SLC27A2: variants seen among roughly 807,000 people sequenced by gnomAD.
SLC27A2 encodes the protein solute carrier family 27 member 2, also known as long-chain fatty acid transport protein 2.
A neutral mutation model predicts 60.0 loss-of-function variants in SLC27A2; 54 were observed. The ratio of observed to expected loss-of-function variants is 0.90; its 90% CI spans 0.72 to 1.13. The LOEUF is 1.13. Among genes scored for constraint, SLC27A2 ranks in the 50% most tolerant of loss-of-function variants. The pLI, the probability that SLC27A2 is intolerant of heterozygous loss-of-function variation, is 0.00. For missense variants in SLC27A2, 739 were observed against 777.6 expected, an observed-to-expected ratio of 0.95 and a Z score of 0.59; for synonymous variants, 297 against 297.6, an observed-to-expected ratio of 1.00 and a Z score of 0.02.
At chr15:50,215,842 G>C (rs573158266) in intron 4 of SLC27A2, among the ~76,000 whole-genome samples, 1 of 152,026 alleles carries the variant, frequency 6.6e-6, no homozygotes, top group African/African-American at 2.4e-5. Context: ...AACCTGACAC[G>C]CGAAACTATA....
intron 4 of SLC27A2, among the ~76,000 whole-genome samples, chr15:50,221,312 C>T (rs1021611456): frequency 2.6e-5 from 4 of 151,982 alleles, no homozygotes; most frequent in Admixed American, 6.5e-5. Context: ...GAGCCACTGG[C>T]GGTGGGGTGG....
rs1047937948 is a variant in SLC27A2, at chr15:50,182,328, G to A, written c.-100G>A. ...CCCGGCGTCCCGCCGCGTGCGCCCC[G>A]GCGCAGCCCGCCAGTCCGCCCGGAG... On this transcript the variant is annotated 5_prime_UTR_variant, in exon 1 of 10. Transcript: ENST00000267842. 6.0e-6 allele frequency: 8 copies of A among 1,343,016 alleles called. No individual in the cohort carries two copies. In the African/African-American group the frequency reaches 9.3e-5, roughly 16 times the overall value. The allele number at this position is 1,343,016 out of a possible 1,614,324, so 83.2% of individuals were successfully genotyped here.
Position 50,223,133 on chromosome 15 carries a change from G to T in SLC27A2, c.1141G>T (p.Val381Phe), listed in dbSNP as rs775464698. 8 of 1,613,334 alleles carry T rather than the reference G, an allele frequency of 5.0e-6. No individual in the cohort carries two copies. The highest frequency in any genetic ancestry group is 2.7e-5 in the African/African-American group (2 of 74,890). Residue 381 changes from valine to phenylalanine, a missense_variant, in exon 5 of 10, where the codon GTT becomes TTT. Physicochemically the swap from Val to Phe is conservative, Grantham distance 50. Transcript: ENST00000267842. The stretch of plus-strand genomic sequence containing the variant: ...GAATTATGCGAGAAAAGTTGGTGCT[G>T]TTGGAAGAGTAAACTACCTACAGAA... ...FMNYARKVGA[V>F]GRVNYLQKKI...
intron 2 of SLC27A2, 72 bp from the exon 3 acceptor site, chr15:50,202,415 G>A (rs752732505): frequency 7.3e-6 from 11 of 1,499,082 alleles, no homozygotes; most frequent in South Asian, 1.2e-5. Context: ...ATCTTCCTAA[G>A]CCAGATCTCT....
intron 2 of SLC27A2, among the ~76,000 whole-genome samples, chr15:50,200,579 G>T (rs913616424): frequency 2.6e-5 from 4 of 152,132 alleles, no homozygotes; most frequent in African/African-American, 9.7e-5. Context: ...TCTGGTGAAG[G>T]TACCACCAAG....
intron 3 of SLC27A2, among the ~76,000 whole-genome samples, chr15:50,203,686 T>G (rs2045084406): frequency 6.6e-6 from 1 of 152,132 alleles, no homozygotes; most frequent in South Asian, 2.1e-4. Flanking sequence ...TGGATGGATA[T>G]TTGTGTCCCC....
rs761003980 is a variant in SLC27A2 at position 50,235,985 on chromosome 15, C to T, written c.1752C>T (p.Asn584=). The T allele has an allele frequency of 6.2e-7, 1 of 1,614,096 alleles. No homozygotes were observed. The change falls in exon 10 of 10, where the codon AAC becomes AAT. Residue 584 remains asparagine (N), a synonymous_variant. Coordinates refer to ENST00000267842, the MANE Select transcript of SLC27A2 (RefSeq NM_003645.4). ...RKMTLVEEGF[N]PAVIKDALYF... is the part of the protein sequence containing the mutation. ...TGACCCTGGTGGAGGAGGGCTTTAA[C>T]CCTGCTGTCATCAAAGATGCCTTGT...
In SLC27A2 at chr15:50,202,554, C is replaced by T. The variant is rs529162625; in HGVS notation, c.756C>T (p.Ser252=). ...IWYGTGLTFV[S]GLKADDVIYI... ...ATGGAACTGGCCTCACTTTTGTAAG[C>T]GGATTGAAGGCAGATGATGTCATCT... The change falls in exon 3 of 10, where the codon AGC becomes AGT. Residue 252 remains serine, a synonymous_variant. Transcript: ENST00000267842. 52 of 1,613,994 alleles carry T rather than the reference C, an allele frequency of 3.2e-5. No homozygotes were observed. The highest frequency in any genetic ancestry group is 8.0e-5 in the African/African-American group (6 of 74,920).
chr15:50,189,048 T>C (rs1221161022), intron 1 of SLC27A2, among the ~76,000 whole-genome samples: 1 of 152,034 alleles, frequency 6.6e-6, no homozygotes, highest in Non-Finnish European at 1.5e-5. Flanking sequence ...CATACATACA[T>C]ACATACATAC....
chr15:50,220,473 G>C (rs8034698), intron 4 of SLC27A2, among the ~76,000 whole-genome samples: 1 of 152,206 alleles, frequency 6.6e-6, no homozygotes, highest in Non-Finnish European at 1.5e-5. Flanking sequence ...GGAAATAAAC[G>C]AAGTGGGTAG....
In SLC27A2 at chr15:50,190,105, CTCTA is replaced by C. The variant is rs1250122685; in HGVS notation, c.478+7202_478+7205del. ...AGGAGGAGCACATGCATGTCTCTCT[CTCTA>C]TATATAGTATTATAATGTGCATCAT... is the stretch of plus-strand genomic sequence containing the variant. On this transcript the variant is annotated intron_variant, in intron 1 of 9. Transcript: ENST00000267842. Among the ~76,000 whole-genome samples, 6 of 152,266 alleles carry C rather than the reference CTCTA, an allele frequency of 3.9e-5. No individual in the cohort carries two copies. In the East Asian group the frequency reaches 1.2e-3, roughly 29 times the overall value.
At chr15:50,214,546 G>A (rs908008696) in intron 4 of SLC27A2, among the ~76,000 whole-genome samples, 1 of 152,086 alleles carries the variant, frequency 6.6e-6, no homozygotes, top group Non-Finnish European at 1.5e-5. Context: ...TATCCTTCAT[G>A]AACACAGATG....
chr15:50,192,244 G>A (rs1222875361), intron 1 of SLC27A2, among the ~76,000 whole-genome samples: 1 of 152,124 alleles, frequency 6.6e-6, no homozygotes, highest in East Asian at 1.9e-4. Context: ...AGTGTGTCCA[G>A]ATATGGTTGG....
Position 50,182,650 on chromosome 15 carries a change from C to T in SLC27A2, c.223C>T (p.Arg75Cys). 6.2e-7 allele frequency: 1 copy of T among 1,614,012 alleles called. No homozygotes were observed. Among genetic ancestry groups the T allele is most frequent in the Non-Finnish European group, 8.5e-7 (1 of 1,179,940 alleles). ...QTPHKPFLLF[R>C]DETLTYAQVD... ...GCCACACAAGCCTTTTCTGCTCTTC[C>T]GCGACGAGACTCTCACCTACGCGCA... is the stretch of plus-strand genomic sequence containing the variant. Residue 75 changes from arginine to cysteine, a missense_variant, in exon 1 of 10, where the codon CGC (arginine) becomes TGC (cysteine). Physicochemically the swap from Arg to Cys is radical, Grantham distance 180. Transcript: ENST00000267842.
intron 1 of SLC27A2, chr15:50,190,924 A>C (rs556472958): frequency 3.9e-5 from 6 of 152,340 alleles, no homozygotes; most frequent in African/African-American, 1.4e-4. Flanking sequence ...CATGTTACTC[A>C]TTAAATGCAG....
Position 50,227,084 on chromosome 15 carries a change from A to G in SLC27A2, c.1363A>G (p.Lys455Glu), listed in dbSNP as rs746170630. 7 of 1,613,988 alleles carry G rather than the reference A, an allele frequency of 4.3e-6. No individual in the cohort carries two copies. In the East Asian group the frequency reaches 1.6e-4, roughly 36 times the overall value. The change falls in exon 7 of 10, where the codon AAG becomes GAG. Residue 455 changes from lysine (K) to glutamate (E), a missense_variant. Coordinates refer to ENST00000267842, the MANE Select transcript of SLC27A2 (RefSeq NM_003645.4). ...TEKKKLRDVFKKGDLYFNSGD... is the reference protein window; with the variant it reads ...TEKKKLRDVFEKGDLYFNSGD... ...GAAGAAAAAACTGAGAGATGTCTTT[A>G]AGAAAGGAGACCTCTATTTCAACAG...
intron 3 of SLC27A2, 128 bp downstream of exon 3, chr15:50,202,773 G>A: frequency 1.2e-6 from 1 of 866,418 alleles, no homozygotes; most frequent in South Asian, 1.6e-5. Context: ...TAACAATAAG[G>A]CAATTTGAAT....
intron 4 of SLC27A2, among the ~76,000 whole-genome samples, chr15:50,210,993 A>G (rs866129099): frequency 2.0e-5 from 3 of 152,198 alleles, no homozygotes; most frequent in South Asian, 4.1e-4. Flanking sequence ...CTGACCAAGG[A>G]GAGTCTGAGC....
intron 4 of SLC27A2, among the ~76,000 whole-genome samples, chr15:50,220,718 G>C (rs933606396): frequency 6.6e-6 from 1 of 152,218 alleles, no homozygotes; most frequent in African/African-American, 2.4e-5. Context: ...ATAGTGCCTT[G>C]TGGGCAGGGT....
Sources: allele counts gnomAD v4.1 joint callset (sites outside exome capture counted in the v4.1 genomes callset), GRCh38; gene constraint gnomAD v4.1.1; transcripts MANE v1.5; gene names NCBI Gene and HGNC (gene_info 2026-07-23, HGNC 2026-07-21).